Variants in BMPR1B observed in about 807,000 individuals in gnomAD.
The protein encoded by BMPR1B is bone morphogenetic protein receptor type-1B.
Under a neutral mutation model 59.1 loss-of-function variants are expected in BMPR1B, and 12 were observed. The observed-to-expected ratio is 0.20, with a 90% confidence interval of 0.13 to 0.33. BMPR1B has a LOEUF of 0.33. Among genes scored for constraint, BMPR1B ranks in the 10% least tolerant of loss-of-function variants. BMPR1B has a pLI of 1.00. For synonymous variants in BMPR1B, 237 were observed against 207.3 expected (o/e 1.14, Z -1.23); for missense variants, 550 against 610.9 (o/e 0.90, Z 1.05).
At position 95,038,915 on chromosome 4, in the gene BMPR1B, T is replaced by G. The variant is rs144741345; in HGVS notation, c.-18+42781T>G. Among the ~76,000 whole-genome samples, 396 of 152,286 alleles carry G rather than the reference T, an allele frequency of 2.6e-3. 2 individuals carry two copies. The highest frequency in any genetic ancestry group is 9.3e-3 in the African/African-American group (388 of 41,560). On this transcript the variant is annotated intron_variant, in intron 3 of 12. Transcript: ENST00000515059. ...AGGCTTTACTCATTTTGGTTAAGGT[T>G]GAATTTGAATGTTTCATTTGGCATA... is the stretch of plus-strand genomic sequence containing the variant.
intron 3 of BMPR1B, among the ~76,000 whole-genome samples, chr4:95,028,312 C>A (rs2149149848): frequency 6.6e-6 from 1 of 152,276 alleles, no homozygotes. Flanking sequence ...CCTATGTGAA[C>A]TGTAGCAGTT....
intron 3 of BMPR1B, among the ~76,000 whole-genome samples, chr4:95,081,006 T>C (rs1470199486): frequency 6.6e-6 from 1 of 152,162 alleles, no homozygotes; most frequent in Non-Finnish European, 1.5e-5. Flanking sequence ...ACATATGTCA[T>C]GAGAGGGACC....
At chr4:94,789,945 A>G (rs746046270) in intron 1 of BMPR1B, among the ~76,000 whole-genome samples, 10 of 152,188 alleles carry the variant, frequency 6.6e-5, no homozygotes, top group Non-Finnish European at 1.0e-4. Flanking sequence ...CCTACTCAAC[A>G]TGAAGACGAT....
chr4:94,770,051 TATA>T (rs1276794166), intron 1 of BMPR1B, among the ~76,000 whole-genome samples: 2 of 152,212 alleles, frequency 1.3e-5, no homozygotes, highest in Non-Finnish European at 2.9e-5. Context: ...TCTTCACATC[TATA>T]ATGTTTCCTT....
chr4:95,041,859 AC>A (rs766979780), intron 3 of BMPR1B, among the ~76,000 whole-genome samples: 2 of 150,504 alleles, frequency 1.3e-5, no homozygotes, highest in Non-Finnish European at 3.0e-5. Flanking sequence ...AAAATCCAAA[AC>A]TTTTTTTTTT....
intron 8 of BMPR1B, among the ~76,000 whole-genome samples, chr4:95,127,991 C>T (rs970056377): frequency 2.0e-5 from 3 of 151,630 alleles, no homozygotes; most frequent in African/African-American, 7.3e-5. Flanking sequence ...CTCAAGCGAT[C>T]CTCCCACCTC....
At chr4:94,758,848 CT>C (rs1190953696) in intron 1 of BMPR1B, among the ~76,000 whole-genome samples, 1 of 152,150 alleles carries the variant, frequency 6.6e-6, no homozygotes, top group Non-Finnish European at 1.5e-5. Context: ...TCCCCACCGC[CT>C]GCTCTGGCTC....
chr4:94,848,492 G>C (rs547554025), intron 1 of BMPR1B, among the ~76,000 whole-genome samples: 76 of 152,308 alleles, frequency 5.0e-4, no homozygotes, highest in African/African-American at 1.8e-3. Flanking sequence ...GACCAGCAAC[G>C]AGGCCAGCAT....
chr4:94,887,237 A>T (rs1578762898), intron 2 of BMPR1B, among the ~76,000 whole-genome samples: 1 of 25,100 alleles, frequency 4.0e-5, no homozygotes, highest in Non-Finnish European at 7.9e-5. Context: ...CAGATTGACC[A>T]AAAAAAAAAA....
chr4:94,788,337 C>T (rs893968371), intron 1 of BMPR1B, among the ~76,000 whole-genome samples: 18 of 152,142 alleles, frequency 1.2e-4, no homozygotes, highest in African/African-American at 4.1e-4. Flanking sequence ...TTGCTACATA[C>T]TGGGGACAGG....
intron 2 of BMPR1B, among the ~76,000 whole-genome samples, chr4:94,930,400 T>A (rs1729054758): frequency 6.6e-6 from 1 of 152,102 alleles, no homozygotes; most frequent in South Asian, 2.1e-4. Context: ...TCAGGTGAGC[T>A]CTCTGTCACT....
intron 10 of BMPR1B, among the ~76,000 whole-genome samples, chr4:95,139,906 CT>C (rs1327984352): frequency 6.6e-6 from 1 of 152,208 alleles, no homozygotes; most frequent in Non-Finnish European, 1.5e-5. Flanking sequence ...ATGCCCCACC[CT>C]GCTTCGGCTC....
intron 1 of BMPR1B, among the ~76,000 whole-genome samples, chr4:94,769,824 G>T (rs17022123): frequency 0.086 from 13,111 of 152,168 alleles, 695 homozygotes; most frequent in African/African-American, 0.16. Flanking sequence ...TTAAAATTTG[G>T]TATCAAGTCC....
chr4:95,030,432 T>G lies in BMPR1B; in HGVS notation c.-18+34298T>G, dbSNP rs193180182. On this transcript the variant is annotated intron_variant, in intron 3 of 12. Coordinates refer to ENST00000515059, the MANE Select transcript of BMPR1B (RefSeq NM_001203.3). ...GTCAAAGATCAGATAGTTGTAGATA[T>G]GTGGTGTTATTTCTGAGGGCTCTGT... Among the ~76,000 whole-genome samples the G allele has an allele frequency of 7.2e-5, 11 of 152,168 alleles. No homozygotes were observed. In the South Asian group the frequency reaches 8.3e-4, roughly 11 times the overall value.
chr4:95,090,268 A>AAT (rs888629009), intron 3 of BMPR1B, among the ~76,000 whole-genome samples: 2 of 151,816 alleles, frequency 1.3e-5, no homozygotes, highest in Non-Finnish European at 2.9e-5. Flanking sequence ...CATGTTCTTT[A>AAT]ATATATATAT....
intron 3 of BMPR1B, among the ~76,000 whole-genome samples, chr4:95,025,371 A>G (rs1724282221): frequency 6.6e-6 from 1 of 152,086 alleles, no homozygotes. Context: ...TTAGTGGAGA[A>G]CTGTGTCCAT....
chr4:95,086,254 C>T (rs957566508), intron 3 of BMPR1B, among the ~76,000 whole-genome samples: 3 of 152,116 alleles, frequency 2.0e-5, no homozygotes, highest in Non-Finnish European at 4.4e-5. Flanking sequence ...ATGTTCGTTG[C>T]TGTTTGTGTT....
Position 95,081,712 on chromosome 4 carries a change from G to A in BMPR1B, c.-17-22696G>A, listed in dbSNP as rs868646468. 6.6e-5 allele frequency among the ~76,000 whole-genome samples: 10 copies of A among 152,188 alleles called. No homozygotes were observed. The Middle Eastern group carries it at 0.01, about 155-fold the overall frequency. ...TATTGTAACTTTTAAGAAACTCCGT[G>A]ATGTCCAATTTTAGTGTATATTAAA... On this transcript the variant is annotated intron_variant, in intron 3 of 12. Coordinates refer to ENST00000515059, the MANE Select transcript of BMPR1B (RefSeq NM_001203.3).
At chr4:94,971,219 T>G (rs1259181425) in intron 2 of BMPR1B, among the ~76,000 whole-genome samples, 2 of 152,172 alleles carry the variant, frequency 1.3e-5, no homozygotes, top group Non-Finnish European at 2.9e-5. Flanking sequence ...TAGTAATGGA[T>G]GTGTTTTAGA....
Sources: gnomAD v4.1 joint callset for allele counts (sites outside exome capture counted in the v4.1 genomes callset) on GRCh38, gnomAD v4.1.1 for gene constraint, MANE v1.5 for transcripts, NCBI Gene and HGNC (gene_info 2026-07-23, HGNC 2026-07-21) for gene names.